ATL3: variants seen among roughly 807,000 people sequenced by gnomAD.
ATL3 encodes atlastin GTPase 3, also known as atlastin-3.
In ATL3, 49 loss-of-function variants were observed where a neutral mutation model predicts 69.5. The ratio of observed to expected loss-of-function variants is 0.71; its 90% confidence interval spans 0.56 to 0.89. The LOEUF (loss-of-function observed/expected upper bound fraction) is 0.89, where lower values mean the gene tolerates loss of function less well. Ranked by LOEUF, ATL3 falls within the 40% of genes least tolerant of loss-of-function variation. ATL3 has a pLI of 0.00. For missense variants in ATL3, 606 were observed against 645.7 expected, an observed-to-expected ratio of 0.94 and a Z score of 0.67; for synonymous variants, 214 against 224.1, an observed-to-expected ratio of 0.95 and a Z score of 0.40.
intron 5 of ATL3, among the ~76,000 whole-genome samples, chr11:63,650,385 C>T (rs961807504): frequency 2.0e-5 from 3 of 152,112 alleles, no homozygotes; most frequent in Non-Finnish European, 4.4e-5. Context: ...TTTTCCATTA[C>T]ATTTTTAAAC....
chr11:63,650,558 A>G (rs1940040590), intron 5 of ATL3: 1 of 152,232 alleles, frequency 6.6e-6, no homozygotes, highest in Admixed American at 6.5e-5. Context: ...TATATTTTAC[A>G]GTTGCTGAGT....
chr11:63,668,825 C>A (rs1383119193), intron 1 of ATL3, among the ~76,000 whole-genome samples: 1 of 98,954 alleles, frequency 1.0e-5, no homozygotes, highest in Non-Finnish European at 1.9e-5. Flanking sequence ...GAGACAAGGT[C>A]TCACTCTGTT....
At chr11:63,640,515 A>C (rs768440904) in intron 8 of ATL3, among the ~76,000 whole-genome samples, 2 of 149,886 alleles carry the variant, frequency 1.3e-5, no homozygotes, top group Non-Finnish European at 3.0e-5. Flanking sequence ...GAGATGTACC[A>C]TAATCTAACC....
At position 63,626,185 on chromosome 11, in the gene ATL3, G is replaced by C. The variant is rs562592063; in HGVS notation, c.*3134C>G. ...ACCTGAGGTCAGGAGTTTGAGACCA[G>C]CCTGGCCAACATGGCAAAACCCCAC... is the stretch of plus-strand genomic sequence containing the variant. On this transcript the variant is annotated 3_prime_UTR_variant, in exon 13 of 13. Coordinates refer to ENST00000398868, the MANE Select transcript of ATL3 (RefSeq NM_015459.5). 21 of 152,376 alleles carry C rather than the reference G, an allele frequency of 1.4e-4. No homozygotes were observed. Among genetic ancestry groups the C allele is most frequent in the African/African-American group, 4.8e-4 (20 of 41,540 alleles). 9.4% of individuals were successfully genotyped at this position (152,376 alleles called of 1,614,324 possible).
chr11:63,670,700 G>A (rs1212084351), intron 1 of ATL3, among the ~76,000 whole-genome samples: 2 of 152,250 alleles, frequency 1.3e-5, no homozygotes, highest in South Asian at 4.1e-4. Flanking sequence ...TTAAGTATGG[G>A]TTGAAAACCA....
At position 63,624,547 on chromosome 11, in the gene ATL3, GTTCA is replaced by G. The variant is rs1446759389; in HGVS notation, c.*4768_*4771del. 5 of 152,052 alleles carry G rather than the reference GTTCA, an allele frequency of 3.3e-5. No homozygotes were observed. Among genetic ancestry groups the G allele is most frequent in the Non-Finnish European group, 7.4e-5 (5 of 67,986 alleles). The allele number at this position is 152,052 out of a possible 1,614,324, so 9.4% of individuals were successfully genotyped here. ...GAATTAGGATCTTGTCTTCTTTCTT[GTTCA>G]TTATTTTTATTTGTGGCTTAATGTT... On this transcript the variant is annotated 3_prime_UTR_variant, in exon 13 of 13. Coordinates refer to ENST00000398868, the MANE Select transcript of ATL3 (RefSeq NM_015459.5).
upstream of ATL3, chr11:63,671,651 T>C (rs930085099): frequency 1.0e-5 from 14 of 1,398,056 alleles, no homozygotes; most frequent in Non-Finnish European, 1.2e-5. Flanking sequence ...GGCGGGGCGC[T>C]GAGTGCTACC....
intron 1 of ATL3, among the ~76,000 whole-genome samples, chr11:63,666,300 A>AAGTACTGGGATTAC (rs1416561802): frequency 6.6e-6 from 1 of 152,072 alleles, no homozygotes; most frequent in African/African-American, 2.4e-5. Context: ...CAGCCTCCCC[A>AAGTACTGGGATTAC]AGTACTGGGA....
At position 63,624,269 on chromosome 11, in the gene ATL3, T is replaced by TA. The variant is rs1263053542; in HGVS notation, c.*5049dup. ...ACTTTTAACAAATCATTTTTTAAAA[T>TA]AAAAAAACCTGAGGAAAATTTGTGT... is the stretch of plus-strand genomic sequence containing the variant. On this transcript the variant is annotated 3_prime_UTR_variant, in exon 13 of 13. Coordinates refer to ENST00000398868, the MANE Select transcript of ATL3 (RefSeq NM_015459.5). The TA allele has an allele frequency of 3.9e-5, 6 of 152,142 alleles. No individual in the cohort carries two copies. The highest frequency in any genetic ancestry group is 4.8e-5 in the African/African-American group (2 of 41,434). 9.4% of individuals were successfully genotyped at this position (152,142 alleles called of 1,614,324 possible).
rs994335902 is a variant in ATL3, at chr11:63,627,675, G to C, written c.*1644C>G. On this transcript the variant is annotated 3_prime_UTR_variant, in exon 13 of 13. Transcript: ENST00000398868. Reference sequence around the variant, plus strand: ...TGAATGTTTATATAAATACTTGCAGGCAAGTTTTAAGTTTTAAAATCCACA... The same window carrying C: ...TGAATGTTTATATAAATACTTGCAGCCAAGTTTTAAGTTTTAAAATCCACA... The C allele has an allele frequency of 1.3e-5, 2 of 151,996 alleles. No homozygotes were observed. Among genetic ancestry groups the C allele is most frequent in the South Asian group, 2.1e-4 (1 of 4,812 alleles). 9.4% of individuals were successfully genotyped at this position (151,996 alleles called of 1,614,324 possible).
chr11:63,632,086 T>C (rs888365704), intron 11 of ATL3: 15 of 260,092 alleles, frequency 5.8e-5, no homozygotes, highest in African/African-American at 2.7e-4. Context: ...CGAGGATTCC[T>C]GAAATCATGG....
chr11:63,632,778 C>T (rs1203051117), intron 11 of ATL3: 6 of 854,176 alleles, frequency 7.0e-6, no homozygotes, highest in Middle Eastern at 3.5e-4. Flanking sequence ...GAATTTATTA[C>T]TCCCATTGAA....
intron 5 of ATL3, among the ~76,000 whole-genome samples, chr11:63,650,330 T>C (rs1421850426): frequency 1.3e-5 from 2 of 152,210 alleles, no homozygotes; most frequent in African/African-American, 4.8e-5. Flanking sequence ...TATAGATCTT[T>C]TTTAAGTTTA....
At chr11:63,629,503 G>A (rs1000253029) in intron 12 of ATL3, 98 bp from the exon 13 acceptor site, 8 of 1,017,078 alleles carry the variant, frequency 7.9e-6, no homozygotes, top group Middle Eastern at 2.2e-4. Flanking sequence ...CTCCATCATC[G>A]GCATGTTACA....
At position 63,651,692 on chromosome 11, in the gene ATL3, G is replaced by A. The variant is rs509932; in HGVS notation, c.561+244C>T. On this transcript the variant is annotated intron_variant, in intron 5 of 12. Transcript: ENST00000398868. ...TGCTCCTCTCCTGTAATAGTTTTCC[G>A]CCCAAATGTATCTGAAGGACTCACT... Among the ~76,000 whole-genome samples the A allele has an allele frequency of 8.8e-3, 1,333 of 152,048 alleles. 18 individuals carry two copies. Among genetic ancestry groups the A allele is most frequent in the African/African-American group, 0.03 (1,258 of 41,462 alleles).
At chr11:63,664,896 G>A (rs548700) in intron 1 of ATL3, among the ~76,000 whole-genome samples, 2 of 152,068 alleles carry the variant, frequency 1.3e-5, no homozygotes, top group African/African-American at 4.8e-5. Context: ...GTGAGCCACC[G>A]CACCCGGCCA....
rs1325881658 is a variant in ATL3, at chr11:63,624,976, G to A, written c.*4343C>T. The stretch of plus-strand genomic sequence containing the variant: ...CTATTTATAAAAGTGATGACTCCAG[G>A]ACCACAGCCCATACCACCTGAGGCA... On this transcript the variant is annotated 3_prime_UTR_variant, in exon 13 of 13. Transcript: ENST00000398868. 1.3e-5 allele frequency: 2 copies of A among 152,034 alleles called. No homozygotes were observed. Among genetic ancestry groups the A allele is most frequent in the Non-Finnish European group, 2.9e-5 (2 of 68,030 alleles). 9.4% of individuals were successfully genotyped at this position (152,034 alleles called of 1,614,324 possible). A position where few individuals can be genotyped will look rare whatever the true frequency, so the allele number is the denominator to read the frequency against.
At chr11:63,662,633 C>T (rs1940455905) in intron 1 of ATL3, among the ~76,000 whole-genome samples, 1 of 152,144 alleles carries the variant, frequency 6.6e-6, no homozygotes, top group African/African-American at 2.4e-5. Context: ...GCATTCATCA[C>T]CACACCCAGC....
chr11:63,637,352 T>C (rs186909539), intron 8 of ATL3, among the ~76,000 whole-genome samples: 138 of 152,300 alleles, frequency 9.1e-4, no homozygotes, highest in African/African-American at 3.0e-3. Context: ...TCTCAGGCCT[T>C]TGCCATGCCC....
Sources: gnomAD v4.1 joint callset for allele counts (sites outside exome capture counted in the v4.1 genomes callset) on GRCh38, gnomAD v4.1.1 for gene constraint, MANE v1.5 for transcripts, NCBI Gene and HGNC (gene_info 2026-07-23, HGNC 2026-07-21) for gene names.